TRAPPC6B: variants seen among roughly 807,000 people sequenced by gnomAD.
TRAPPC6B encodes the protein trafficking protein particle complex subunit 6B.
TRAPPC6B carries 27 observed loss-of-function variants against 24.7 expected under a neutral mutation model. The observed-to-expected ratio is 1.09, with a 90% CI of 0.81 to 1.51. The LOEUF is 1.51. Ranked by LOEUF, TRAPPC6B falls within the 40% of genes most tolerant of loss-of-function variation. The pLI is 0.00. For missense variants in TRAPPC6B, 212 were observed against 190.8 expected, an observed-to-expected ratio of 1.11 and a Z score of -0.66; for synonymous variants, 80 against 66.6, an observed-to-expected ratio of 1.20 and a Z score of -0.98.
intron 3 of TRAPPC6B, chr14:39,157,740 C>G (rs560167469): frequency 4.7e-4 from 111 of 236,236 alleles, no homozygotes; most frequent in Admixed American, 2.2e-3. Flanking sequence ...CCAATTACGA[C>G]AGACAAAACG....
chr14:39,164,625 T>C (rs2053089844), intron 1 of TRAPPC6B, among the ~76,000 whole-genome samples: 2 of 152,128 alleles, frequency 1.3e-5, no homozygotes, highest in Non-Finnish European at 2.9e-5. Context: ...TTGCTTGAGC[T>C]TAGGAGTTCG....
intron 3 of TRAPPC6B, among the ~76,000 whole-genome samples, chr14:39,158,072 T>C (rs1447776629): frequency 6.6e-6 from 1 of 152,160 alleles, no homozygotes; most frequent in Non-Finnish European, 1.5e-5. Context: ...AGCATATAAT[T>C]GGGTGAAAGG....
intron 1 of TRAPPC6B, among the ~76,000 whole-genome samples, chr14:39,159,814 G>A (rs1367237949): frequency 2.0e-5 from 3 of 151,680 alleles, no homozygotes; most frequent in African/African-American, 7.3e-5. Flanking sequence ...AACTTCAATA[G>A]AAGGATACAT....
intron 2 of TRAPPC6B, 123 bp from the exon 3 acceptor site, chr14:39,158,525 A>G: frequency 1.8e-6 from 1 of 548,418 alleles, no homozygotes; most frequent in East Asian, 3.5e-5. Flanking sequence ...TTTAATTTTA[A>G]TTTTTTTTTT....
chr14:39,156,686 G>A (rs1298793243), intron 3 of TRAPPC6B: 1 of 152,168 alleles, frequency 6.6e-6, no homozygotes, highest in African/African-American at 2.4e-5. Context: ...AGAGTAAAAT[G>A]CTCTATAAAT....
At position 39,150,342 on chromosome 14, in the gene TRAPPC6B, A is replaced by G. The variant is rs376059015; in HGVS notation, c.*8T>C. 1.9e-6 allele frequency: 3 copies of G among 1,582,626 alleles called. No homozygotes were observed. The highest frequency in any genetic ancestry group is 2.6e-6 in the Non-Finnish European group (3 of 1,170,986). On this transcript the variant is annotated 3_prime_UTR_variant, in exon 6 of 6. Coordinates refer to ENST00000330149, the MANE Select transcript of TRAPPC6B (RefSeq NM_001079537.2). ...TTACACTGTTGAAGCCTTGCATTTC[A>G]GTATGTTCTACAGCTTCTGTATCAT...
In TRAPPC6B at chr14:39,170,285, G is replaced by A. The variant is rs951064540; in HGVS notation, c.-190C>T. The A allele has an allele frequency of 1.5e-5, 9 of 591,378 alleles. No individual in the cohort carries two copies. Among genetic ancestry groups the A allele is most frequent in the African/African-American group, 1.3e-4 (7 of 53,148 alleles). The allele number at this position is 591,378 out of a possible 1,614,324, so 36.6% of individuals were successfully genotyped here. ...GTACTGAAATGAGTCTGGTACTGGA[G>A]AGAGCCCACACTTCGGGGCTACCAA... On this transcript the variant is annotated 5_prime_UTR_variant, in exon 1 of 6. Transcript: ENST00000330149.
chr14:39,154,975 T>TG (rs1483331212), intron 3 of TRAPPC6B, among the ~76,000 whole-genome samples: 1 of 152,216 alleles, frequency 6.6e-6, no homozygotes, highest in Non-Finnish European at 1.5e-5. Flanking sequence ...TTGTCTAGGC[T>TG]GGAGTGTGGT....
At chr14:39,152,926 G>A (rs144105193) in intron 4 of TRAPPC6B, among the ~76,000 whole-genome samples, 8 of 151,820 alleles carry the variant, frequency 5.3e-5, no homozygotes, top group African/African-American at 1.9e-4. Context: ...CAGCACTTTG[G>A]GAGGCTGTAA....
chr14:39,149,183 A>T lies in TRAPPC6B; in HGVS notation c.*1167T>A, dbSNP rs529531577. ...TAACTTGAGTTTTCTTTAATGTCCT[A>T]AAGTACATTTTTATAGTTTTTATTT... On this transcript the variant is annotated 3_prime_UTR_variant, in exon 6 of 6. Coordinates refer to ENST00000330149, the MANE Select transcript of TRAPPC6B (RefSeq NM_001079537.2). 6.4e-6 allele frequency: 1 copy of T among 156,570 alleles called. No individual in the cohort carries two copies. The highest frequency in any genetic ancestry group is 6.5e-5 in the Admixed American group (1 of 15,382). 9.7% of individuals were successfully genotyped at this position (156,570 alleles called of 1,614,324 possible). A position where few individuals can be genotyped will look rare whatever the true frequency, so the allele number is the denominator to read the frequency against.
At position 39,151,679 on chromosome 14, in the gene TRAPPC6B, T is replaced by C. The variant is rs113888088; in HGVS notation, c.445+67A>G. The C allele has an allele frequency of 5.9e-6, 7 of 1,194,420 alleles. No homozygotes were observed. The African/African-American group carries it at 6.6e-5, about 11-fold the overall frequency. The allele number at this position is 1,194,420 out of a possible 1,614,324, so 74.0% of individuals were successfully genotyped here. The stretch of plus-strand genomic sequence containing the variant: ...CATTTTAAATTTCCTCTCAGTTAAA[T>C]TAAAAAAAAAAACAGACCTGAAAAC... On this transcript the variant is annotated intron_variant, in intron 5 of 5. Transcript: ENST00000330149.
At chr14:39,166,754 T>C (rs2053112600) in intron 1 of TRAPPC6B, among the ~76,000 whole-genome samples, 1 of 152,104 alleles carries the variant, frequency 6.6e-6, no homozygotes, top group Non-Finnish European at 1.5e-5. Context: ...AAAAAGGCCT[T>C]TTGAGATGTC....
chr14:39,165,778 C>T (rs2139389557), intron 1 of TRAPPC6B, among the ~76,000 whole-genome samples: 1 of 151,726 alleles, frequency 6.6e-6, no homozygotes, highest in East Asian at 2.0e-4. Context: ...GCCTGCATGA[C>T]AGAGCAAGAC....
intron 3 of TRAPPC6B, 150 bp downstream of exon 3, chr14:39,158,135 T>C (rs2053007270): frequency 3.5e-6 from 2 of 564,770 alleles, no homozygotes; most frequent in Non-Finnish European, 3.1e-6. Context: ...GTTCACACTA[T>C]TAGAAGAAAA....
chr14:39,159,568 A>G lies in TRAPPC6B; in HGVS notation c.82-18T>C. ...CCGTTTTCCTATTTTAAAAAACAAT[A>G]GTTTTAAATACTTTTAGAATGCTAG... On this transcript the variant is annotated intron_variant, in intron 1 of 5. Transcript: ENST00000330149. The G allele has an allele frequency of 3.2e-6, 5 of 1,576,926 alleles. No individual in the cohort carries two copies. Among genetic ancestry groups the G allele is most frequent in the Non-Finnish European group, 3.5e-6 (4 of 1,153,308 alleles).
At chr14:39,154,011 T>C (rs1226010861) in intron 4 of TRAPPC6B, among the ~76,000 whole-genome samples, 200 bp downstream of exon 4, 2 of 152,198 alleles carry the variant, frequency 1.3e-5, no homozygotes, top group Non-Finnish European at 2.9e-5. Flanking sequence ...GGCCAGTGTT[T>C]CTTTAATTGG....
intron 1 of TRAPPC6B, among the ~76,000 whole-genome samples, chr14:39,169,803 TAGA>T (rs1314719970): frequency 7.2e-5 from 11 of 152,144 alleles, no homozygotes; most frequent in Non-Finnish European, 1.6e-4. Context: ...GAGAATCAAA[TAGA>T]AGAAGATACG....
intron 1 of TRAPPC6B, among the ~76,000 whole-genome samples, chr14:39,164,597 A>G (rs148465396): frequency 6.6e-6 from 1 of 152,320 alleles, no homozygotes; most frequent in Non-Finnish European, 1.5e-5. Context: ...AAATCCCAGT[A>G]CATTGGGAGG....
intron 1 of TRAPPC6B, among the ~76,000 whole-genome samples, chr14:39,168,943 C>T (rs2053136359): frequency 6.6e-6 from 1 of 152,192 alleles, no homozygotes; most frequent in African/African-American, 2.4e-5. Context: ...TCGAAAAGAT[C>T]CGAATTCTTT....
Sources: allele counts gnomAD v4.1 joint callset (sites outside exome capture counted in the v4.1 genomes callset), GRCh38; gene constraint gnomAD v4.1.1; transcripts MANE v1.5; gene names NCBI Gene and HGNC (gene_info 2026-07-23, HGNC 2026-07-21).